Variants in LINGO3 observed in about 807,000 individuals in gnomAD.
LINGO3 encodes the protein leucine-rich repeat and immunoglobulin-like domain-containing nogo receptor-interacting protein 3.
For synonymous variants in LINGO3, 427 were observed against 444.2 expected (o/e 0.96, Z 0.49); for missense variants, 750 against 867.7 (o/e 0.86, Z 1.70).
chr19:2,293,445 C>T (rs1357397100), upstream of LINGO3, among the ~76,000 whole-genome samples: 1 of 151,094 alleles, frequency 6.6e-6, no homozygotes, highest in Non-Finnish European at 1.5e-5. Flanking sequence ...GCAAGCTCCC[C>T]CTCCCCAGGG....
chr19:2,298,169 G>A, the LINGO3 span, among the ~76,000 whole-genome samples: 1 of 151,986 alleles, frequency 6.6e-6, no homozygotes, highest in South Asian at 2.1e-4. Flanking sequence ...GATTATAGGT[G>A]TGAGCCACTG....
chr19:2,291,027 C>T (rs2145086367), exon 1 of LINGO3: 1 of 1,611,124 alleles, frequency 6.2e-7, no homozygotes, highest in East Asian at 2.2e-5. Flanking sequence ...TGACCGACAG[C>T]GAGGTCAGGT....
chr19:2,304,946 T>C, the LINGO3 span, among the ~76,000 whole-genome samples: 1 of 152,018 alleles, frequency 6.6e-6, no homozygotes, highest in African/African-American at 2.4e-5. Flanking sequence ...TGATCTCCAG[T>C]GATCTGCCTG....
At chr19:2,307,211 A>G in the LINGO3 span, among the ~76,000 whole-genome samples, 1 of 152,186 alleles carries the variant, frequency 6.6e-6, no homozygotes, top group African/African-American at 2.4e-5. Flanking sequence ...TCCATGGTTT[A>G]GCCAGGGACC....
chr19:2,291,005 T>C (rs780381377), exon 1 of LINGO3: 2 of 1,611,186 alleles, frequency 1.2e-6, no homozygotes, highest in South Asian at 1.1e-5. Context: ...ACGGCGGTGA[T>C]GTTGGTGTGG....
chr19:2,294,506 C>G (rs2025556310), upstream of LINGO3, among the ~76,000 whole-genome samples: 1 of 152,244 alleles, frequency 6.6e-6, no homozygotes, highest in South Asian at 2.1e-4. The surrounding 1 kb of genome is among the most constrained non-coding windows in gnomAD (Gnocchi z 4.3). Flanking sequence ...TTGAACAGAG[C>G]CCATGGTTTT....
chr19:2,296,018 C>A (rs993098470), upstream of LINGO3, among the ~76,000 whole-genome samples: 2 of 152,082 alleles, frequency 1.3e-5, no homozygotes, highest in African/African-American at 2.4e-5. Flanking sequence ...GGGGCATGCC[C>A]CCCCCAACCC....
chr19:2,288,305 G>A (rs138822219), downstream of LINGO3, among the ~76,000 whole-genome samples: 13 of 152,324 alleles, frequency 8.5e-5, no homozygotes, highest in South Asian at 1.2e-3. This position sits in a 1 kb window ranked among gnomAD's most constrained non-coding sequence, Gnocchi z 6.5. Context: ...CCCTTGTTCC[G>A]GCCTTGTTCT....
the LINGO3 span, among the ~76,000 whole-genome samples, chr19:2,302,992 T>C: frequency 1.3e-5 from 2 of 152,244 alleles, no homozygotes; most frequent in African/African-American, 4.8e-5. Flanking sequence ...CCACAGCCTG[T>C]GCACGGCGCA....
chr19:2,297,015 C>T (rs1258733219), upstream of LINGO3, among the ~76,000 whole-genome samples: 3 of 151,476 alleles, frequency 2.0e-5, no homozygotes, highest in Admixed American at 1.3e-4. Context: ...TGGCGTGAAC[C>T]CGGGAGGCGG....
the LINGO3 span, among the ~76,000 whole-genome samples, chr19:2,305,130 T>C: frequency 2.0e-5 from 3 of 152,076 alleles, no homozygotes; most frequent in East Asian, 1.9e-4. Flanking sequence ...ATCAGGGTCA[T>C]TGCAGTCTTG....
chr19:2,307,252 C>T, the LINGO3 span, among the ~76,000 whole-genome samples: 13 of 152,216 alleles, frequency 8.5e-5, no homozygotes, highest in African/African-American at 3.1e-4. Context: ...TGGGGCACAT[C>T]GCCTCAGAAG....
the LINGO3 span, among the ~76,000 whole-genome samples, chr19:2,298,536 ATTTTTT>A: frequency 2.7e-4 from 31 of 114,126 alleles, no homozygotes; most frequent in African/African-American, 7.2e-4. Context: ...TGGGCCAATA[ATTTTTT>A]TTTTTTTTTT....
At chr19:2,307,876 T>C in the LINGO3 span, among the ~76,000 whole-genome samples, 1 of 151,862 alleles carries the variant, frequency 6.6e-6, no homozygotes, top group Non-Finnish European at 1.5e-5. Flanking sequence ...GGGTGGGGAG[T>C]TCGCCCCCAA....
rs1226138765 is a variant in LINGO3, at chr19:2,290,915, C to T, written c.862G>A (p.Gly288Arg). The change falls in exon 1 of 1, where the codon GGG becomes AGG. Residue 288 changes from glycine to arginine, a missense_variant. By Grantham distance (125) the Gly-to-Arg change is moderately radical. Coordinates refer to ENST00000585527, the Ensembl canonical transcript of LINGO3. The surrounding 1 kb of genome is among the most constrained non-coding windows in gnomAD (Gnocchi z 6.0). The stretch of plus-strand genomic sequence containing the variant: ...AGGCGGACCAGGTCCCGGAACGACC[C>T]CCGCGGCACCGTGCTGATGGGGTTG... 3.1e-6 allele frequency: 5 copies of T among 1,611,504 alleles called. No individual in the cohort carries two copies. The highest frequency in any genetic ancestry group is 4.2e-6 in the Non-Finnish European group (5 of 1,179,286).
At chr19:2,297,045 T>A in the LINGO3 span, among the ~76,000 whole-genome samples, 3 of 150,746 alleles carry the variant, frequency 2.0e-5, no homozygotes, top group Non-Finnish European at 4.4e-5. Context: ...TGAGCTGAGA[T>A]CACGCCACTG....
the LINGO3 span, among the ~76,000 whole-genome samples, chr19:2,302,324 G>C: frequency 1.1e-4 from 16 of 152,282 alleles, no homozygotes; most frequent in East Asian, 3.1e-3. Context: ...GCCTCCCAAA[G>C]TGCTGGGATG....
chr19:2,298,452 G>A, the LINGO3 span, among the ~76,000 whole-genome samples: 1 of 151,122 alleles, frequency 6.6e-6, no homozygotes, highest in African/African-American at 2.4e-5. Context: ...GGCTGGTCTC[G>A]AACTCCTGGG....
the LINGO3 span, among the ~76,000 whole-genome samples, chr19:2,307,700 G>A: frequency 6.6e-6 from 1 of 152,160 alleles, no homozygotes; most frequent in Non-Finnish European, 1.5e-5. Flanking sequence ...AGGAAGGCGC[G>A]GGCTGCAGGC....
Sources: allele counts gnomAD v4.1 joint callset (sites outside exome capture counted in the v4.1 genomes callset), GRCh38; gene constraint gnomAD v4.1.1; non-coding constraint Gnocchi (gnomAD v3.1); transcripts MANE v1.5; gene names NCBI Gene and HGNC (gene_info 2026-07-23, HGNC 2026-07-21).